The following CDK14 variants were observed in gnomAD, a reference collection of about 807,000 sequenced individuals.
CDK14 encodes the protein cyclin dependent kinase 14, also known as cyclin-dependent kinase 14.
CDK14 carries 34 observed loss-of-function variants against 60.7 expected under a neutral mutation model. That is an observed-to-expected ratio of 0.56 (90% CI 0.43 to 0.75). CDK14 has a LOEUF of 0.75. Ranked by LOEUF, CDK14 falls within the 30% of genes least tolerant of loss-of-function variation. CDK14 has a pLI of 0.00. For synonymous variants in CDK14, 197 were observed against 203.7 expected, an observed-to-expected ratio of 0.97 and a Z score of 0.28; for missense variants, 482 against 564.1, an observed-to-expected ratio of 0.85 and a Z score of 1.47.
Position 91,210,508 on chromosome 7 carries a change from T to G in CDK14, c.*3372T>G, listed in dbSNP as rs1488659211. The G allele has an allele frequency of 6.6e-6, 1 of 152,290 alleles. No homozygotes were observed. The highest frequency in any genetic ancestry group is 1.5e-5 in the Non-Finnish European group (1 of 68,048). 9.4% of individuals were successfully genotyped at this position (152,290 alleles called of 1,614,324 possible). A position where few individuals can be genotyped will look rare whatever the true frequency, so the allele number is the denominator to read the frequency against. ...GTTACCAGTTGTAATTTGTCTGTAT[T>G]ATGAAAGATGTAATGGTTTGTCAGC... On this transcript the variant is annotated 3_prime_UTR_variant, in exon 15 of 15. Transcript: ENST00000380050.
At chr7:90,657,976 G>A (rs1257964219) in intron 2 of CDK14, among the ~76,000 whole-genome samples, 1 of 152,140 alleles carries the variant, frequency 6.6e-6, no homozygotes, top group Admixed American at 6.5e-5. Context: ...TGTTCAAACT[G>A]TAGGATCAAT....
intron 9 of CDK14, among the ~76,000 whole-genome samples, chr7:90,958,423 A>C (rs1408038413): frequency 1.3e-5 from 2 of 152,136 alleles, no homozygotes; most frequent in Admixed American, 6.6e-5. Context: ...TAATAAATCT[A>C]ATACCATTTT....
At chr7:90,640,469 G>T (rs190787283) in intron 2 of CDK14, among the ~76,000 whole-genome samples, 106 of 152,138 alleles carry the variant, frequency 7.0e-4, no homozygotes, top group Middle Eastern at 3.4e-3. Context: ...GTCGGTAAAA[G>T]ACTTTAAGCA....
At chr7:90,827,168 C>A (rs895475075) in intron 5 of CDK14, among the ~76,000 whole-genome samples, 1 of 151,102 alleles carries the variant, frequency 6.6e-6, no homozygotes, top group African/African-American at 2.4e-5. Context: ...ATGGTTTTGT[C>A]TTTTCTAGAA....
At chr7:90,999,787 A>G (rs1795791311) in intron 10 of CDK14, among the ~76,000 whole-genome samples, 1 of 152,210 alleles carries the variant, frequency 6.6e-6, no homozygotes, top group South Asian at 2.1e-4. Context: ...CATTCACACA[A>G]AACTCAGCAA....
At chr7:91,154,506 A>C (rs1034323626) in intron 14 of CDK14, among the ~76,000 whole-genome samples, 3 of 152,184 alleles carry the variant, frequency 2.0e-5, no homozygotes, top group African/African-American at 7.2e-5. Flanking sequence ...TTGCTGGTAC[A>C]TATTGCCACC....
intron 14 of CDK14, among the ~76,000 whole-genome samples, chr7:91,142,614 A>C (rs1800502751): frequency 6.6e-6 from 1 of 152,220 alleles, no homozygotes. Flanking sequence ...CTGAGAACTC[A>C]TAATAATTGT....
rs759130780 is a variant in CDK14, at chr7:90,984,210, A to G, written c.1010A>G (p.Asp337Gly). Residue 337 changes from aspartate (D) to glycine (G), a missense_variant, in exon 10 of 15, where the codon GAC (aspartate) becomes GGC (glycine). By Grantham distance (94) the Asp-to-Gly change is moderately conservative. Transcript: ENST00000380050. ...QGVAAFPGMK[D>G]IQDQLERIFL... Reference sequence around the variant, plus strand: ...GTTGCTGCTTTTCCAGGAATGAAAGACATTCAGGATCAACTTGAACGAATA... The same window carrying G: ...GTTGCTGCTTTTCCAGGAATGAAAGGCATTCAGGATCAACTTGAACGAATA... 2.5e-6 allele frequency: 4 copies of G among 1,612,468 alleles called. No homozygotes were observed. The East Asian group carries it at 6.7e-5, about 27-fold the overall frequency.
At chr7:90,943,565 A>G (rs1458005450) in intron 8 of CDK14, among the ~76,000 whole-genome samples, 5 of 152,222 alleles carry the variant, frequency 3.3e-5, no homozygotes, top group African/African-American at 4.8e-5. Context: ...TAGCTTGTAT[A>G]TTAATAGCCT....
At chr7:90,796,042 G>T (rs921217876) in intron 5 of CDK14, among the ~76,000 whole-genome samples, 1 of 152,120 alleles carries the variant, frequency 6.6e-6, no homozygotes, top group South Asian at 2.1e-4. Context: ...ACAGAGAAGC[G>T]GGGAATGCAA....
At chr7:90,676,226 A>G (rs1488372241) in intron 2 of CDK14, among the ~76,000 whole-genome samples, 1 of 152,192 alleles carries the variant, frequency 6.6e-6, no homozygotes, top group Non-Finnish European at 1.5e-5. Context: ...GCTAAGGAGA[A>G]CACATTAAAG....
At chr7:90,808,434 C>G (rs1788949600) in intron 5 of CDK14, among the ~76,000 whole-genome samples, 1 of 152,152 alleles carries the variant, frequency 6.6e-6, no homozygotes, top group African/African-American at 2.4e-5. Flanking sequence ...TCTGTCACCA[C>G]CAGGCCTGCC....
chr7:91,101,600 G>A (rs1194668557), intron 12 of CDK14, among the ~76,000 whole-genome samples: 1 of 152,068 alleles, frequency 6.6e-6, no homozygotes, highest in Non-Finnish European at 1.5e-5. Context: ...TTTACATTGA[G>A]TACAGTGAGA....
chr7:90,820,064 T>C (rs1789489108), intron 5 of CDK14, among the ~76,000 whole-genome samples: 1 of 152,122 alleles, frequency 6.6e-6, no homozygotes, highest in African/African-American at 2.4e-5. Flanking sequence ...TTTTTTGTAT[T>C]TGAAGTTCCA....
At chr7:90,772,995 A>G (rs914666385) in intron 4 of CDK14, among the ~76,000 whole-genome samples, 6 of 152,216 alleles carry the variant, frequency 3.9e-5, no homozygotes, top group East Asian at 1.9e-4. Context: ...CTGACCAAGT[A>G]TTCTGCCATA....
At chr7:90,965,381 T>A (rs1461244407) in intron 9 of CDK14, among the ~76,000 whole-genome samples, 1 of 152,186 alleles carries the variant, frequency 6.6e-6, no homozygotes, top group East Asian at 1.9e-4. Flanking sequence ...TTTTCCCTAA[T>A]TCTTCTGCAT....
At chr7:91,036,335 C>T (rs1033581782) in intron 10 of CDK14, among the ~76,000 whole-genome samples, 9 of 152,218 alleles carry the variant, frequency 5.9e-5, no homozygotes, top group Non-Finnish European at 1.2e-4. Flanking sequence ...CCCAACGTGG[C>T]TGCTTGCTTC....
intron 10 of CDK14, among the ~76,000 whole-genome samples, chr7:91,007,323 T>C (rs1407528869): frequency 6.6e-6 from 1 of 152,178 alleles, no homozygotes; most frequent in Non-Finnish European, 1.5e-5. Flanking sequence ...TCTTAGATAA[T>C]TTGCCGCAGT....
chr7:90,719,179 A>C (rs1393987237), intron 2 of CDK14, among the ~76,000 whole-genome samples: 1 of 152,146 alleles, frequency 6.6e-6, no homozygotes, highest in East Asian at 1.9e-4. Context: ...CCTGTGATGG[A>C]TATTCCTTTC....
Sources: allele counts gnomAD v4.1 joint callset (sites outside exome capture counted in the v4.1 genomes callset), GRCh38; gene constraint gnomAD v4.1.1; transcripts MANE v1.5; gene names NCBI Gene and HGNC (gene_info 2026-07-23, HGNC 2026-07-21).